Variants in DIP2C observed in about 807,000 individuals in gnomAD.
The protein encoded by DIP2C is DIP2 acetate--CoA ligase C (putative).
A neutral mutation model predicts 192.4 loss-of-function variants in DIP2C; 33 were observed. That is an observed-to-expected ratio of 0.17 (90% CI 0.13 to 0.23). The LOEUF is 0.23. Among genes scored for constraint, DIP2C ranks in the 10% least tolerant of loss-of-function variants. DIP2C has a pLI of 1.00. For missense variants in DIP2C, 1,537 were observed against 2,110.1 expected, an observed-to-expected ratio of 0.73 and a Z score of 5.32; for synonymous variants, 979 against 864.1, an observed-to-expected ratio of 1.13 and a Z score of -2.33.
chr10:451,907 C>A (rs984459036), intron 3 of DIP2C, among the ~76,000 whole-genome samples: 1 of 151,024 alleles, frequency 6.6e-6, no homozygotes, highest in African/African-American at 2.5e-5. Flanking sequence ...GCACCATACA[C>A]AAGTCTGCTA....
chr10:571,330 A>T (rs2131527360), intron 1 of DIP2C, among the ~76,000 whole-genome samples: 1 of 151,954 alleles, frequency 6.6e-6, no homozygotes, highest in Non-Finnish European at 1.5e-5. Flanking sequence ...CGGCCATCAC[A>T]CTTCCTAAGG....
rs1309057811 is a variant in DIP2C at position 286,348 on chromosome 10, C to G, written c.4045-1G>C. On this transcript the variant is annotated splice_acceptor_variant, in intron 33 of 36. Coordinates refer to ENST00000280886, the MANE Select transcript of DIP2C (RefSeq NM_014974.3). LOFTEE classifies it high-confidence loss of function. ...TTATAATCCGAACCCCTGGAAGTAT[C>G]TATTTGGGAGAGGAAAAGTCTCTTG... The G allele has an allele frequency of 6.2e-7, 1 of 1,614,090 alleles. No homozygotes were observed. Among genetic ancestry groups the G allele is most frequent in the African/African-American group, 1.3e-5 (1 of 75,044 alleles).
intron 1 of DIP2C, among the ~76,000 whole-genome samples, chr10:598,024 T>C (rs540229410): frequency 6.6e-6 from 1 of 152,296 alleles, no homozygotes; most frequent in East Asian, 1.9e-4. Flanking sequence ...GCGCCATCAT[T>C]AAACGTTTAG....
chr10:431,445 T>C (rs951808818), intron 4 of DIP2C, among the ~76,000 whole-genome samples: 3 of 152,092 alleles, frequency 2.0e-5, no homozygotes, highest in Non-Finnish European at 4.4e-5. Context: ...TACTGGAAAT[T>C]TTTTTTTAAA....
At position 414,852 on chromosome 10, in the gene DIP2C, T is replaced by TTGTGTGTGTG. The variant is rs748231177; in HGVS notation, c.860-752_860-743dup. ...TATATATATACACACACATATATAT[T>TTGTGTGTGTG]TGTGTGTGTGTGTGTGTGTGTGTGT... On this transcript the variant is annotated intron_variant, in intron 7 of 36. Coordinates refer to ENST00000280886, the MANE Select transcript of DIP2C (RefSeq NM_014974.3). 5.1e-4 allele frequency among the ~76,000 whole-genome samples: 50 copies of TTGTGTGTGTG among 98,868 alleles called. 1 individual carries two copies. The highest frequency in any genetic ancestry group is 8.9e-4 in the African/African-American group (22 of 24,698). 64.9% of individuals were successfully genotyped at this position (98,868 alleles called of 152,430 possible). A position where few individuals can be genotyped will look rare whatever the true frequency, so the allele number is the denominator to read the frequency against.
intron 1 of DIP2C, among the ~76,000 whole-genome samples, chr10:608,919 G>T (rs1216496561): frequency 9.9e-5 from 15 of 151,224 alleles, no homozygotes. Flanking sequence ...ACAGTGATTT[G>T]ACTAATATAC....
At chr10:523,388 G>A (rs571183696) in intron 1 of DIP2C, among the ~76,000 whole-genome samples, 116 of 146,086 alleles carry the variant, frequency 7.9e-4, no homozygotes, top group African/African-American at 2.7e-3. Context: ...CCACACACTC[G>A]TTTCTACCGG....
chr10:393,875 C>T (rs1172847968), intron 10 of DIP2C, among the ~76,000 whole-genome samples: 1 of 146,698 alleles, frequency 6.8e-6, no homozygotes, highest in East Asian at 2.0e-4. Context: ...ACATTTCTTG[C>T]ACTGGTTACA....
rs1588776679 is a variant in DIP2C at position 689,263 on chromosome 10, C to CG, written c.85+230dup. Among the ~76,000 whole-genome samples, 1 of 150,828 alleles carries CG rather than the reference C, an allele frequency of 6.6e-6. No homozygotes were observed. Among genetic ancestry groups the CG allele is most frequent in the East Asian group, 2.0e-4 (1 of 5,094 alleles). ...AGGCCCCACAGACACCCCCAGGGCGCGGGGAATCGCGGCCCCACAAACGTC... is the reference window on the plus strand; with the variant it reads ...AGGCCCCACAGACACCCCCAGGGCGCGGGGGAATCGCGGCCCCACAAACGTC... On this transcript the variant is annotated intron_variant, in intron 1 of 36. Transcript: ENST00000280886. This position sits in a 1 kb window ranked among gnomAD's most constrained non-coding sequence, Gnocchi z 6.1.
chr10:427,428 G>C (rs985866877), intron 4 of DIP2C, among the ~76,000 whole-genome samples: 2 of 152,184 alleles, frequency 1.3e-5, no homozygotes, highest in African/African-American at 4.8e-5. Flanking sequence ...CTGGGGAGTA[G>C]GACCTGGGTA....
intron 1 of DIP2C, among the ~76,000 whole-genome samples, chr10:537,930 C>CA (rs1190368344): frequency 6.6e-6 from 1 of 151,990 alleles, no homozygotes; most frequent in Non-Finnish European, 1.5e-5. Flanking sequence ...GCCTGGATTA[C>CA]AGGCACGCGC....
chr10:589,615 G>T (rs1588536563), intron 1 of DIP2C, among the ~76,000 whole-genome samples: 1 of 152,136 alleles, frequency 6.6e-6, no homozygotes, highest in Non-Finnish European at 1.5e-5. Context: ...GGGTCTTCTG[G>T]ACTCCACTCT....
Position 444,732 on chromosome 10 carries a change from C to T in DIP2C, c.269-3736G>A, listed in dbSNP as rs573496432. On this transcript the variant is annotated intron_variant, in intron 3 of 36. Coordinates refer to ENST00000280886, the MANE Select transcript of DIP2C (RefSeq NM_014974.3). ...TGCTCAATTCAAGGCTCCTGGAACT[C>T]ATCGCCGTTGCCTATTTTGGTTTCA... 2.3e-3 allele frequency among the ~76,000 whole-genome samples: 349 copies of T among 152,356 alleles called. 1 individual carries two copies. The highest frequency in any genetic ancestry group is 8.0e-3 in the African/African-American group (333 of 41,574).
chr10:414,733 G>A (rs1453879408), intron 7 of DIP2C, among the ~76,000 whole-genome samples: 1,945 of 58,230 alleles, frequency 0.033, 101 homozygotes, highest in African/African-American at 0.11. Flanking sequence ...GTGTGTGTGT[G>A]TGTGTGTACA....
At chr10:577,184 G>A (rs1490988402) in intron 1 of DIP2C, among the ~76,000 whole-genome samples, 9 of 152,148 alleles carry the variant, frequency 5.9e-5, no homozygotes, top group Admixed American at 3.9e-4. Flanking sequence ...CTTTGACAAG[G>A]TAAAACTGAG....
At chr10:603,267 C>G (rs956725038) in intron 1 of DIP2C, among the ~76,000 whole-genome samples, 22 of 117,674 alleles carry the variant, frequency 1.9e-4, no homozygotes, top group African/African-American at 7.3e-4. Context: ...CCACTGTACT[C>G]CAATCTGGGT....
At chr10:376,796 C>T in intron 17 of DIP2C, among the ~76,000 whole-genome samples, 1 of 152,092 alleles carries the variant, frequency 6.6e-6, no homozygotes, top group East Asian at 1.9e-4. Flanking sequence ...CTTTAAAGGA[C>T]AGGAGCAGTT....
At chr10:418,815 TTTC>T (rs1965977778) in intron 6 of DIP2C, among the ~76,000 whole-genome samples, 1 of 152,250 alleles carries the variant, frequency 6.6e-6, no homozygotes, top group Admixed American at 6.5e-5. Flanking sequence ...AAAATTTCTT[TTTC>T]TTCTCATGAC....
rs1963100367 is a variant in DIP2C, at chr10:387,798, C to T, written c.1609G>A (p.Val537Met). 1.2e-6 allele frequency: 2 copies of T among 1,614,210 alleles called. No homozygotes were observed. Among genetic ancestry groups the T allele is most frequent in the Non-Finnish European group, 8.5e-7 (1 of 1,180,044 alleles). Residue 537 changes from valine (V) to methionine (M), a missense_variant, in exon 14 of 37, where the codon GTG (valine) becomes ATG (methionine). This residue lies in a region of DIP2C where 677 missense variants were observed against 989.9 expected (regional missense o/e 0.68). Coordinates refer to ENST00000280886, the MANE Select transcript of DIP2C (RefSeq NM_014974.3). ...TCCTTCTTGAAATCCAGCACATTCA[C>T]AATGGTTTCAGCTGCACAACAGAGG... is the stretch of plus-strand genomic sequence containing the variant. ...ACGYTEAETI[V>M]NVLDFKKDVG...
Sources: allele counts gnomAD v4.1 joint callset (sites outside exome capture counted in the v4.1 genomes callset), GRCh38; gene constraint gnomAD v4.1.1; regional missense constraint gnomAD v4.1.1; non-coding constraint Gnocchi (gnomAD v3.1); transcripts MANE v1.5; gene names NCBI Gene and HGNC (gene_info 2026-07-23, HGNC 2026-07-21).